DSE: variants seen among roughly 807,000 people sequenced by gnomAD.
DSE encodes the protein dermatan-sulfate epimerase.
Under a neutral mutation model 84.4 loss-of-function variants are expected in DSE, and 36 were observed. The ratio of observed to expected loss-of-function variants is 0.43; its 90% CI spans 0.33 to 0.56. The LOEUF is 0.56. DSE is among the 20% of genes least tolerant of loss of function. The pLI is 0.06. For missense variants in DSE, 862 were observed against 1,169.6 expected, an observed-to-expected ratio of 0.74 and a Z score of 3.84; for synonymous variants, 410 against 430.1, an observed-to-expected ratio of 0.95 and a Z score of 0.58.
At chr6:116,379,083 T>A (rs1780082761) in intron 1 of DSE, among the ~76,000 whole-genome samples, 1 of 152,196 alleles carries the variant, frequency 6.6e-6, no homozygotes, top group South Asian at 2.1e-4. Context: ...GCAGAATTGA[T>A]CCCATGGTTT....
rs1783482556 is a variant in DSE, at chr6:116,426,814, C to T, written c.657C>T (p.Val219=). 2 of 1,611,424 alleles carry T rather than the reference C, an allele frequency of 1.2e-6. No individual in the cohort carries two copies. Among genetic ancestry groups the T allele is most frequent in the African/African-American group, 1.3e-5 (1 of 74,902 alleles). ...TGGCTTTGCTCACGGGAAGCCTAGT[C>T]CTGATGAATCAAGGTGGGTGTGGAC... ...NCMALLTGSL[V]LMNQGYLQEA... is the part of the protein sequence containing the mutation. Residue 219 remains valine, a synonymous_variant, in exon 3 of 6, where the codon GTC becomes GTT. Coordinates refer to ENST00000644252, the MANE Select transcript of DSE (RefSeq NM_013352.4).
chr6:116,416,268 C>T (rs1011369498), intron 2 of DSE, among the ~76,000 whole-genome samples: 1 of 151,800 alleles, frequency 6.6e-6, no homozygotes, highest in Non-Finnish European at 1.5e-5. Flanking sequence ...AGTCCCTTTG[C>T]CCCAGTGGAA....
intron 2 of DSE, among the ~76,000 whole-genome samples, chr6:116,315,360 G>T (rs902768232): frequency 1.3e-5 from 2 of 150,170 alleles, no homozygotes; most frequent in Admixed American, 1.3e-4. Flanking sequence ...TCTTTTGTAT[G>T]CTTTATATTT....
chr6:116,373,936 ATAAT>A (rs1184931299), intron 1 of DSE, among the ~76,000 whole-genome samples: 1 of 152,244 alleles, frequency 6.6e-6, no homozygotes, highest in Non-Finnish European at 1.5e-5. Context: ...ATTTCAATAA[ATAAT>A]TGTAGAGAAA....
chr6:116,273,964 G>T (rs1395698790), intron 2 of DSE, among the ~76,000 whole-genome samples: 1 of 151,516 alleles, frequency 6.6e-6, no homozygotes, highest in Non-Finnish European at 1.5e-5. Flanking sequence ...CGAGTAGCTG[G>T]AATTACAGGC....
At chr6:116,282,413 CTTTA>C (rs1228821055) in intron 2 of DSE, among the ~76,000 whole-genome samples, 1 of 151,852 alleles carries the variant, frequency 6.6e-6, no homozygotes, top group Admixed American at 6.6e-5. Context: ...GAATATATGG[CTTTA>C]TTTGTCAAAG....
Position 116,436,395 on chromosome 6 carries a change from G to T in DSE, c.1927G>T (p.Gly643Trp), listed in dbSNP as rs758269032. ...VTYPRGYPYN[G>W]TNYVNVTMHL... ...ATATCCTCGGGGCTATCCCTACAATGGGACAAACTATGTGAATGTCACCAT... is the reference window on the plus strand; with the variant it reads ...ATATCCTCGGGGCTATCCCTACAATTGGACAAACTATGTGAATGTCACCAT... Residue 643 changes from glycine (G) to tryptophan (W), a missense_variant, in exon 6 of 6, where the codon GGG becomes TGG. Gly to Trp is a radical substitution (Grantham distance 184). Coordinates refer to ENST00000644252, the MANE Select transcript of DSE (RefSeq NM_013352.4). 2 of 1,613,960 alleles carry T rather than the reference G, an allele frequency of 1.2e-6. No individual in the cohort carries two copies. Among genetic ancestry groups the T allele is most frequent in the Non-Finnish European group, 1.7e-6 (2 of 1,179,930 alleles).
intron 2 of DSE, among the ~76,000 whole-genome samples, chr6:116,262,151 G>T (rs577417486): frequency 1.9e-4 from 29 of 152,194 alleles, no homozygotes; most frequent in Non-Finnish European, 3.7e-4. Flanking sequence ...ATTTTTTTTG[G>T]AATAATTTCA....
intron 2 of DSE, among the ~76,000 whole-genome samples, chr6:116,286,486 A>G (rs1256573152): frequency 2.0e-5 from 3 of 152,086 alleles, no homozygotes; most frequent in East Asian, 3.8e-4. Flanking sequence ...TATTTTCTCA[A>G]CTCTATCAGA....
rs758271302 is a variant in DSE, at chr6:116,399,267, G to T, written c.17G>T (p.Arg6Leu). The change falls in exon 2 of 6, where the codon CGG becomes CTG. Residue 6 changes from arginine to leucine, a missense_variant. Around this residue, in one of 4 missense-constraint regions of DSE, gnomAD observed 52 missense variants for 49.6 expected, o/e 1.05. Transcript: ENST00000644252. Reference sequence around the variant, plus strand: ...GATGCCACGATGAGGACTCACACACGGGGGGCTCCCAGTGTGTTTTTCATA... The same window carrying T: ...GATGCCACGATGAGGACTCACACACTGGGGGCTCCCAGTGTGTTTTTCATA... The part of the protein sequence containing the change: MRTHT[R>L]GAPSVFFIYL... 1 of 1,613,714 alleles carries T rather than the reference G, an allele frequency of 6.2e-7. No homozygotes were observed. Among genetic ancestry groups the T allele is most frequent in the Non-Finnish European group, 8.5e-7 (1 of 1,180,014 alleles).
chr6:116,411,889 A>AT (rs1202543985), intron 2 of DSE, among the ~76,000 whole-genome samples: 1 of 152,232 alleles, frequency 6.6e-6, no homozygotes, highest in Non-Finnish European at 1.5e-5. Flanking sequence ...GTCAACTTTT[A>AT]TTTTCAGTAT....
chr6:116,369,960 A>C, upstream of DSE: 1 of 1,288,914 alleles, frequency 7.8e-7, no homozygotes, highest in Non-Finnish European at 1.0e-6. Context: ...ACTTCTGTAC[A>C]ATCTAGGTCT....
chr6:116,375,878 T>G (rs1779893976), intron 1 of DSE, among the ~76,000 whole-genome samples: 1 of 152,210 alleles, frequency 6.6e-6, no homozygotes, highest in East Asian at 1.9e-4. Context: ...AGAGCTAGTG[T>G]CTTACCCTCA....
intron 2 of DSE, among the ~76,000 whole-genome samples, chr6:116,300,614 A>G (rs773002710): frequency 3.5e-4 from 53 of 152,364 alleles, no homozygotes; most frequent in Non-Finnish European, 5.1e-4. Flanking sequence ...GCCTCAGGCA[A>G]TCAAGTCTAA....
chr6:116,409,338 G>A (rs2115019231), intron 2 of DSE, among the ~76,000 whole-genome samples: 1 of 152,256 alleles, frequency 6.6e-6, no homozygotes, highest in East Asian at 1.9e-4. Context: ...GTGCAGTGGT[G>A]TGATCTTGGC....
intron 1 of DSE, among the ~76,000 whole-genome samples, chr6:116,386,166 T>G (rs1780566468): frequency 6.6e-6 from 1 of 152,250 alleles, no homozygotes; most frequent in Non-Finnish European, 1.5e-5. Flanking sequence ...TTTCTGGGTG[T>G]AAGTCAGAGA....
At chr6:116,428,162 C>T (rs1783574721) in intron 3 of DSE, among the ~76,000 whole-genome samples, 1 of 152,118 alleles carries the variant, frequency 6.6e-6, no homozygotes, top group Non-Finnish European at 1.5e-5. Context: ...GCACTCCAGC[C>T]TTGGCAACAG....
intron 2 of DSE, among the ~76,000 whole-genome samples, chr6:116,264,331 C>T (rs547336386): frequency 6.6e-6 from 1 of 152,040 alleles, no homozygotes; most frequent in East Asian, 1.9e-4. Context: ...ACTAGCCAGT[C>T]TTCAATCTCT....
At chr6:116,357,305 G>T (rs964296237) in intron 2 of DSE, among the ~76,000 whole-genome samples, 2 of 152,138 alleles carry the variant, frequency 1.3e-5, no homozygotes, top group Non-Finnish European at 2.9e-5. Context: ...GGCCAAGGCG[G>T]GTGGATGACG....
Sources: allele counts gnomAD v4.1 joint callset (sites outside exome capture counted in the v4.1 genomes callset), GRCh38; gene constraint gnomAD v4.1.1; regional missense constraint gnomAD v4.1.1; transcripts MANE v1.5; gene names NCBI Gene and HGNC (gene_info 2026-07-23, HGNC 2026-07-21).